The following NCF2 variants were observed in gnomAD, a reference collection of about 807,000 sequenced individuals.
NCF2 encodes neutrophil cytosolic factor 2.
Under a neutral mutation model 70.9 loss-of-function variants are expected in NCF2, and 45 were observed. The observed-to-expected ratio is 0.63, with a 90% CI of 0.50 to 0.81. NCF2 has a LOEUF of 0.81. Among genes scored for constraint, NCF2 ranks in the 40% least tolerant of loss-of-function variants. The pLI is 0.00. For missense variants in NCF2, 522 were observed against 631.6 expected, an observed-to-expected ratio of 0.83 and a Z score of 1.86; for synonymous variants, 203 against 233.6, an observed-to-expected ratio of 0.87 and a Z score of 1.19.
chr1:183,565,446 C>T (rs918065086), intron 10 of NCF2, among the ~76,000 whole-genome samples: 8 of 152,172 alleles, frequency 5.3e-5, no homozygotes, highest in Non-Finnish European at 7.3e-5. Flanking sequence ...TTGGTGACTA[C>T]GTGAGTCACT....
At chr1:183,576,293 C>G (rs907875916) in intron 3 of NCF2, among the ~76,000 whole-genome samples, 4 of 152,202 alleles carry the variant, frequency 2.6e-5, no homozygotes, top group Admixed American at 6.5e-5. Context: ...CCATTTTAAC[C>G]CCAACTCCAG....
chr1:183,586,271 C>T (rs789189), intron 2 of NCF2, among the ~76,000 whole-genome samples: 148,277 of 152,332 alleles, frequency 0.97, 72,181 homozygotes, highest in East Asian at 1. Context: ...GAGGCGGAGG[C>T]TGCGGTGAGC....
At chr1:183,574,122 T>A (rs1278439649) in intron 4 of NCF2, among the ~76,000 whole-genome samples, 1 of 152,150 alleles carries the variant, frequency 6.6e-6, no homozygotes, top group Non-Finnish European at 1.5e-5. Flanking sequence ...CTGAGAGCTG[T>A]TATGTGCCTA....
intron 12 of NCF2, 32 bp from the exon 13 acceptor site, chr1:183,563,338 A>G (rs368373468): frequency 2.7e-5 from 43 of 1,613,736 alleles, no homozygotes; most frequent in Non-Finnish European, 3.6e-5. Flanking sequence ...GAATCCAGTC[A>G]AAGAACATCA....
intron 7 of NCF2, 44 bp from the exon 8 acceptor site, chr1:183,567,389 G>A: frequency 1.2e-6 from 2 of 1,611,888 alleles, no homozygotes; most frequent in Non-Finnish European, 1.7e-6. Flanking sequence ...CCCCTCACAT[G>A]ATGCCATGGC....
upstream of NCF2, among the ~76,000 whole-genome samples, chr1:183,591,098 C>G (rs1285985293): frequency 6.6e-6 from 1 of 152,242 alleles, no homozygotes; most frequent in African/African-American, 2.4e-5. Flanking sequence ...GGGGAACCAC[C>G]CCTGCATCCC....
At chr1:183,577,775 G>A in intron 2 of NCF2, 68 bp from the exon 3 acceptor site, 1 of 1,121,652 alleles carries the variant, frequency 8.9e-7, no homozygotes, top group African/African-American at 1.5e-5. Context: ...TAAAATGTGA[G>A]TCTGCTTCTC....
At chr1:183,594,246 A>AAAACACT (rs77463392), upstream of NCF2, among the ~76,000 whole-genome samples, 52,787 of 151,520 alleles carry the variant, frequency 0.35, 9,394 homozygotes, top group Middle Eastern at 0.41. Context: ...TCTCTACAGA[A>AAAACACT]AAACACTAAA....
chr1:183,598,262 T>C, the NCF2 span: 3 of 152,236 alleles, frequency 2.0e-5, no homozygotes, highest in Non-Finnish European at 4.4e-5. Context: ...CTGTAATTAG[T>C]TTTGTTGTAT....
intron 2 of NCF2, among the ~76,000 whole-genome samples, chr1:183,583,303 C>G (rs1198579559): frequency 1.3e-5 from 2 of 152,182 alleles, no homozygotes; most frequent in East Asian, 3.8e-4. Context: ...ATCCGCCTAC[C>G]TTGGCCTCCT....
Position 183,560,107 on chromosome 1 carries a change from A to T in NCF2, c.1457T>A (p.Val486Glu). 1.2e-6 allele frequency: 2 copies of T among 1,614,078 alleles called. No homozygotes were observed. Among genetic ancestry groups the T allele is most frequent in the Non-Finnish European group, 1.7e-6 (2 of 1,179,968 alleles). ...GGAGTAGCACTTACCCTTTGATAAC[A>T]CCAGGATTATATCCCCTTCCTGAAA... ...LEFQEGDIIL[V>E]LSKVNEEWLE... The change falls in exon 14 of 15, where the codon GTG (valine) becomes GAG (glutamate). Residue 486 changes from valine (V) to glutamate (E), a missense_variant. Coordinates refer to ENST00000367535, the MANE Select transcript of NCF2 (RefSeq NM_000433.4).
At chr1:183,594,151 C>T (rs1020190771), upstream of NCF2, among the ~76,000 whole-genome samples, 1 of 152,178 alleles carries the variant, frequency 6.6e-6, no homozygotes, top group Non-Finnish European at 1.5e-5. Context: ...CACAATGGCT[C>T]ACATCTGTAA....
upstream of NCF2, among the ~76,000 whole-genome samples, chr1:183,595,703 C>T (rs768368903): frequency 7.2e-5 from 11 of 152,214 alleles, no homozygotes; most frequent in South Asian, 4.1e-4. Context: ...CATTAAGTCT[C>T]TTACCTCTAG....
chr1:183,568,888 C>A (rs534293121), intron 7 of NCF2, among the ~76,000 whole-genome samples: 1 of 152,190 alleles, frequency 6.6e-6, no homozygotes, highest in East Asian at 1.9e-4. Context: ...TAGCTGCAGC[C>A]AAGCCCTGAT....
At chr1:183,579,322 A>T (rs1396541241) in intron 2 of NCF2, among the ~76,000 whole-genome samples, 1 of 152,170 alleles carries the variant, frequency 6.6e-6, no homozygotes, top group Non-Finnish European at 1.5e-5. Context: ...TATGGATCCC[A>T]CTTCTGGAGT....
chr1:183,576,729 C>G (rs1672816165), intron 3 of NCF2, among the ~76,000 whole-genome samples: 1 of 152,166 alleles, frequency 6.6e-6, no homozygotes. Context: ...GGCCATATGT[C>G]CCCAGGGGCC....
At position 183,563,229 on chromosome 1, in the gene NCF2, T is replaced by C. The variant is rs35012521; in HGVS notation, c.1256A>G (p.Asn419Ser). The part of the protein sequence containing the change: ...SMKDAWGQVK[N>S]YCLTLWCENT... Reference sequence around the variant, plus strand: ...CTCACACCACAGAGTCAGGCAGTAGTTTTTCACCTGGCCCCAGGCATCCTT... The same window carrying C: ...CTCACACCACAGAGTCAGGCAGTAGCTTTTCACCTGGCCCCAGGCATCCTT... Residue 419 changes from asparagine to serine, a missense_variant, in exon 13 of 15, where the codon AAC becomes AGC. Asn to Ser is a conservative substitution (Grantham distance 46). Transcript: ENST00000367535. The C allele has an allele frequency of 6.2e-7, 1 of 1,614,072 alleles. No homozygotes were observed.
Position 183,571,114 on chromosome 1 carries a change from CT to C in NCF2, c.610-276del, listed in dbSNP as rs66625837. On this transcript the variant is annotated intron_variant, in intron 5 of 14. Transcript: ENST00000367535. ...TGCAATTTGTATAACATCAAATTAT[CT>C]TTTTTTTTTTTTTTTTTTTTGAGAC... 0.015 allele frequency among the ~76,000 whole-genome samples: 1,630 copies of C among 106,744 alleles called. 15 individuals carry two copies. Among genetic ancestry groups the C allele is most frequent in the African/African-American group, 0.046 (1,287 of 28,142 alleles). The allele number at this position is 106,744 out of a possible 152,430, so 70.0% of individuals were successfully genotyped here.
At chr1:183,572,493 T>C (rs1672613561) in intron 5 of NCF2, among the ~76,000 whole-genome samples, 1 of 152,148 alleles carries the variant, frequency 6.6e-6, no homozygotes, top group East Asian at 1.9e-4. Context: ...AGACCTGGAT[T>C]TAGAAGAAGT....
Sources: allele counts gnomAD v4.1 joint callset (sites outside exome capture counted in the v4.1 genomes callset), GRCh38; gene constraint gnomAD v4.1.1; transcripts MANE v1.5; gene names NCBI Gene and HGNC (gene_info 2026-07-23, HGNC 2026-07-21).